CHCHD5: variants seen among roughly 807,000 people sequenced by gnomAD.
The protein encoded by CHCHD5 is coiled-coil-helix-coiled-coil-helix domain-containing protein 5.
Under a neutral mutation model 16.0 loss-of-function variants are expected in CHCHD5, and 10 were observed. The observed-to-expected ratio is 0.63, with a 90% CI of 0.39 to 1.06. The LOEUF is 1.06. CHCHD5 is among the 50% of genes least tolerant of loss of function. CHCHD5 has a pLI of 0.01. For synonymous variants in CHCHD5, 55 were observed against 56.3 expected (o/e 0.98, Z 0.10); for missense variants, 163 against 153.4 (o/e 1.06, Z -0.33).
At chr2:112,584,976 TCCTACAC>T (rs1685163862) in intron 1 of CHCHD5, 1 of 434,926 alleles carries the variant, frequency 2.3e-6, no homozygotes, top group African/African-American at 2.0e-5. Flanking sequence ...CCTCTATGAC[TCCTACAC>T]CCATCCTCAG....
chr2:112,586,183 C>T lies in CHCHD5; in HGVS notation c.144-17C>T. On this transcript the variant is annotated splice_polypyrimidine_tract_variant and intron_variant, in intron 2 of 3. Transcript: ENST00000324913. ...GGGTGGGAATCTCCCAGGGGCTGAA[C>T]TGCCCTACCCCCACAGCCCAATCAT... The T allele has an allele frequency of 2.5e-6, 4 of 1,608,766 alleles. No homozygotes were observed. The highest frequency in any genetic ancestry group is 3.4e-6 in the Non-Finnish European group (4 of 1,175,626).
chr2:112,588,487 G>A (rs1400276360), intron 3 of CHCHD5: 5 of 211,688 alleles, frequency 2.4e-5, no homozygotes, highest in Non-Finnish European at 4.7e-5. Context: ...CTGTGTTTTT[G>A]TGGCTGACAA....
At chr2:112,586,660 C>T (rs1685236916) in intron 3 of CHCHD5, 1 of 1,410,122 alleles carries the variant, frequency 7.1e-7, no homozygotes, top group African/African-American at 1.4e-5. Context: ...CATGTAAGGA[C>T]TGAAATCTGG....
chr2:112,586,099 A>G lies in CHCHD5; in HGVS notation c.128A>G (p.Gln43Arg), dbSNP rs538755730. ...DCHYLKMSIA[Q>R]CTSSHPIIRQ... ...CACTACCTTAAGATGAGCATTGCCC[A>G]GTGCACATCCTCCCAGTGAGTGCGG... Residue 43 changes from glutamine (Q) to arginine (R), a missense_variant, in exon 2 of 4, where the codon CAG becomes CGG. Physicochemically the swap from Gln to Arg is conservative, Grantham distance 43 (BLOSUM62 1). Transcript: ENST00000324913. 25 of 1,571,686 alleles carry G rather than the reference A, an allele frequency of 1.6e-5. No individual in the cohort carries two copies. The African/African-American group carries it at 2.9e-4, about 18-fold the overall frequency.
Position 112,588,939 on chromosome 2 carries a change from C to T in CHCHD5, c.*50C>T, listed in dbSNP as rs1332213622. On this transcript the variant is annotated 3_prime_UTR_variant, in exon 4 of 4. Coordinates refer to ENST00000324913, the MANE Select transcript of CHCHD5 (RefSeq NM_032309.4). The stretch of plus-strand genomic sequence containing the variant: ...TGGACATGAATGACTGCCCCCACGC[C>T]CCTCCCCTGCAGAGTGGCCAGATGG... 2.8e-6 allele frequency: 4 copies of T among 1,440,024 alleles called. No homozygotes were observed. Among genetic ancestry groups the T allele is most frequent in the South Asian group, 2.3e-5 (2 of 86,814 alleles). The allele number at this position is 1,440,024 out of a possible 1,614,324, so 89.2% of individuals were successfully genotyped here.
intron 1 of CHCHD5, among the ~76,000 whole-genome samples, chr2:112,585,650 G>A (rs1406261908): frequency 6.6e-6 from 1 of 152,194 alleles, no homozygotes; most frequent in Non-Finnish European, 1.5e-5. Context: ...TGTAATCCTA[G>A]CACTTTGGGA....
At position 112,589,002 on chromosome 2, in the gene CHCHD5, T is replaced by C; in HGVS notation, c.*113T>C. ...TGGACATGGGCCCGGCTTTCCTGGA[T>C]ATCAGGACTTCCAATAAATAAAGAC... On this transcript the variant is annotated 3_prime_UTR_variant, in exon 4 of 4. Transcript: ENST00000324913. 1 of 737,842 alleles carries C rather than the reference T, an allele frequency of 1.4e-6. No individual in the cohort carries two copies. Among genetic ancestry groups the C allele is most frequent in the Non-Finnish European group, 2.4e-6 (1 of 420,524 alleles). 45.7% of individuals were successfully genotyped at this position (737,842 alleles called of 1,614,324 possible). A position where few individuals can be genotyped will look rare whatever the true frequency, so the allele number is the denominator to read the frequency against.
upstream of CHCHD5, chr2:112,584,472 G>A (rs980212238): frequency 5.6e-6 from 4 of 711,100 alleles, no homozygotes; most frequent in Admixed American, 5.0e-5. Flanking sequence ...ATGACGAGCC[G>A]GGCCGGAAGA....
chr2:112,586,122 C>G lies in CHCHD5; in HGVS notation c.143+8C>G. On this transcript the variant is annotated splice_region_variant and intron_variant, in intron 2 of 3. Coordinates refer to ENST00000324913, the MANE Select transcript of CHCHD5 (RefSeq NM_032309.4). ...CCAGTGCACATCCTCCCAGTGAGTGCGGGCAAGTATGAGACAGTGTGGGGG... is the reference window on the plus strand; with the variant it reads ...CCAGTGCACATCCTCCCAGTGAGTGGGGGCAAGTATGAGACAGTGTGGGGG... 7.5e-7 allele frequency: 1 copy of G among 1,334,694 alleles called. No individual in the cohort carries two copies. The highest frequency in any genetic ancestry group is 1.0e-6 in the Non-Finnish European group (1 of 968,866). 82.7% of individuals were successfully genotyped at this position (1,334,694 alleles called of 1,614,324 possible). A position where few individuals can be genotyped will look rare whatever the true frequency, so the allele number is the denominator to read the frequency against.
Position 112,584,644 on chromosome 2 carries a change from C to A in CHCHD5, c.-4C>A. 1 of 1,613,866 alleles carries A rather than the reference C, an allele frequency of 6.2e-7. No individual in the cohort carries two copies. The highest frequency in any genetic ancestry group is 8.5e-7 in the Non-Finnish European group (1 of 1,179,970). On this transcript the variant is annotated 5_prime_UTR_variant, in exon 1 of 4. Coordinates refer to ENST00000324913, the MANE Select transcript of CHCHD5 (RefSeq NM_032309.4). ...GACAGCCCTACGCCGGCAAAGGTCT[C>A]GAGATGTGAGTAGTGAGAGCGCCTA...
intron 1 of CHCHD5, among the ~76,000 whole-genome samples, chr2:112,585,161 C>T (rs1325937049): frequency 6.6e-6 from 1 of 152,160 alleles, no homozygotes; most frequent in African/African-American, 2.4e-5. Flanking sequence ...CCAGACTTCA[C>T]GCCCCTGGGA....
Position 112,586,016 on chromosome 2 carries a change from G to C in CHCHD5, c.45G>C (p.Glu15Asp). 1 of 1,614,264 alleles carries C rather than the reference G, an allele frequency of 6.2e-7. No homozygotes were observed. The highest frequency in any genetic ancestry group is 8.5e-7 in the Non-Finnish European group (1 of 1,180,038). Residue 15 changes from glutamate to aspartate, a missense_variant, in exon 2 of 4, where the codon GAG becomes GAC. Physicochemically the swap from Glu to Asp is conservative, Grantham distance 45. Transcript: ENST00000324913. ...TCACCGCTCGCTACTGTGGCCGGGA[G>C]CTGGAGCAGTATGGCCAGTGTGTGG... is the stretch of plus-strand genomic sequence containing the variant. Reference protein sequence around the residue: ...LEVTARYCGRELEQYGQCVAA... With the variant: ...LEVTARYCGRDLEQYGQCVAA...
At chr2:112,585,881 G>A in intron 1 of CHCHD5, 93 bp from the exon 2 acceptor site, 2 of 1,429,458 alleles carry the variant, frequency 1.4e-6, no homozygotes, top group Non-Finnish European at 1.9e-6. Flanking sequence ...CTGGGCCACA[G>A]TGAGACCCTG....
At position 112,586,009 on chromosome 2, in the gene CHCHD5, G is replaced by T. The variant is rs779454543; in HGVS notation, c.38G>T (p.Gly13Val). The T allele has an allele frequency of 6.2e-7, 1 of 1,614,138 alleles. No homozygotes were observed. Among genetic ancestry groups the T allele is most frequent in the Non-Finnish European group, 8.5e-7 (1 of 1,180,044 alleles). Residue 13 changes from glycine (G) to valine (V), a missense_variant, in exon 2 of 4, where the codon GGC (glycine) becomes GTC (valine). Physicochemically the swap from Gly to Val is moderately radical, Grantham distance 109 (BLOSUM62 -3). Coordinates refer to ENST00000324913, the MANE Select transcript of CHCHD5 (RefSeq NM_032309.4). The part of the protein sequence containing the change: ...AALEVTARYC[G>V]RELEQYGQCV... ...CTAGAGGTCACCGCTCGCTACTGTGGCCGGGAGCTGGAGCAGTATGGCCAG... is the reference window on the plus strand; with the variant it reads ...CTAGAGGTCACCGCTCGCTACTGTGTCCGGGAGCTGGAGCAGTATGGCCAG...
rs965271120 is a variant in CHCHD5 at position 112,586,065 on chromosome 2, C to T, written c.94C>T (p.Arg32Trp). 39 of 1,612,844 alleles carry T rather than the reference C, an allele frequency of 2.4e-5. No individual in the cohort carries two copies. The highest frequency in any genetic ancestry group is 6.7e-5 in the Admixed American group (4 of 59,950). ...CVAAKPESWQRDCHYLKMSIA... is the reference protein window; with the variant it reads ...CVAAKPESWQWDCHYLKMSIA... ...GGCGGCCAAGCCGGAATCCTGGCAG[C>T]GGGACTGTCACTACCTTAAGATGAG... The change falls in exon 2 of 4, where the codon CGG becomes TGG. Residue 32 changes from arginine (R) to tryptophan (W), a missense_variant. Arg to Trp is a moderately radical substitution (Grantham distance 101). Transcript: ENST00000324913.
chr2:112,586,775 C>A, intron 3 of CHCHD5: 6 of 571,504 alleles, frequency 1.0e-5, no homozygotes, highest in Middle Eastern at 4.7e-4. Context: ...AGGCTGACTT[C>A]ATCTGCCTCC....
rs1425206220 is a variant in CHCHD5 at position 112,586,550 on chromosome 2, C to T, written c.309+185C>T. 4 of 1,532,224 alleles carry T rather than the reference C, an allele frequency of 2.6e-6. No homozygotes were observed. In the Admixed American group the frequency reaches 7.9e-5, roughly 30 times the overall value. 94.9% of individuals were successfully genotyped at this position (1,532,224 alleles called of 1,614,324 possible). On this transcript the variant is annotated intron_variant, in intron 3 of 3. Transcript: ENST00000324913. The stretch of plus-strand genomic sequence containing the variant: ...CCCATATAGCCCCTGCTTTAATCCA[C>T]CACCACCCTCACCCTCCACCTCCAG...
rs754598075 is a variant in CHCHD5 at position 112,586,401 on chromosome 2, C to T, written c.309+36C>T. ...CTCACCTCAGTTCATCTCTTTTCTC[C>T]ATAACATCCCCTTCATCCTTCTGGT... On this transcript the variant is annotated intron_variant, in intron 3 of 3. Coordinates refer to ENST00000324913, the MANE Select transcript of CHCHD5 (RefSeq NM_032309.4). 3.1e-6 allele frequency: 5 copies of T among 1,613,886 alleles called. No homozygotes were observed. In the African/African-American group the frequency reaches 4.0e-5, roughly 13 times the overall value.
chr2:112,588,906 A>G lies in CHCHD5; in HGVS notation c.*17A>G, dbSNP rs1210260805. On this transcript the variant is annotated 3_prime_UTR_variant, in exon 4 of 4. Coordinates refer to ENST00000324913, the MANE Select transcript of CHCHD5 (RefSeq NM_032309.4). ...GCCTCCTGAGGACTCCTCTGACGGC[A>G]GGAAAACTGGACATGAATGACTGCC... 1.2e-6 allele frequency: 2 copies of G among 1,605,796 alleles called. No individual in the cohort carries two copies. The highest frequency in any genetic ancestry group is 2.2e-5 in the South Asian group (2 of 90,830).
Sources: allele counts gnomAD v4.1 joint callset (sites outside exome capture counted in the v4.1 genomes callset), GRCh38; gene constraint gnomAD v4.1.1; transcripts MANE v1.5; gene names NCBI Gene and HGNC (gene_info 2026-07-23, HGNC 2026-07-21).